ASB5: variants seen among roughly 807,000 people sequenced by gnomAD.
The protein encoded by ASB5 is ankyrin repeat and SOCS box protein 5.
In ASB5, 45 loss-of-function variants were observed where a neutral mutation model predicts 42.1. The ratio of observed to expected loss-of-function variants is 1.07; its 90% CI spans 0.84 to 1.37. The LOEUF is 1.37. Ranked by LOEUF, ASB5 falls within the 40% of genes most tolerant of loss-of-function variation. The pLI, the probability that ASB5 is intolerant of heterozygous loss-of-function variation, is 0.00. For synonymous variants in ASB5, 147 were observed against 150.6 expected, an observed-to-expected ratio of 0.98 and a Z score of 0.18; for missense variants, 402 against 399.8, an observed-to-expected ratio of 1.01 and a Z score of -0.05.
chr4:176,225,404 G>T (rs1753349055), intron 1 of ASB5, 63 bp from the exon 2 acceptor site: 1 of 1,356,172 alleles, frequency 7.4e-7, no homozygotes, highest in Non-Finnish European at 1.1e-6. Flanking sequence ...GTGAATCCCA[G>T]TAGACACAAT....
At chr4:176,245,950 G>A (rs1277889293) in intron 1 of ASB5, among the ~76,000 whole-genome samples, 2 of 152,012 alleles carry the variant, frequency 1.3e-5, no homozygotes, top group Non-Finnish European at 2.9e-5. Context: ...TAATGTAAAT[G>A]ATGAGTTAAC....
chr4:176,245,439 A>G (rs1345480137), intron 1 of ASB5, among the ~76,000 whole-genome samples: 1 of 152,184 alleles, frequency 6.6e-6, no homozygotes, highest in African/African-American at 2.4e-5. Flanking sequence ...ATGCTTTTAC[A>G]CTGTTGGTGG....
At chr4:176,241,910 C>T (rs902440054) in intron 1 of ASB5, among the ~76,000 whole-genome samples, 9 of 152,126 alleles carry the variant, frequency 5.9e-5, no homozygotes, top group African/African-American at 2.2e-4. Context: ...GTCTGTCTAT[C>T]ACCATCTTTG....
intron 1 of ASB5, among the ~76,000 whole-genome samples, chr4:176,258,231 C>T (rs778682560): frequency 2.3e-4 from 35 of 152,114 alleles, no homozygotes; most frequent in Non-Finnish European, 3.8e-4. Context: ...TCTATGAATC[C>T]GCTCAAGTAG....
chr4:176,233,816 C>A (rs1279960215), intron 1 of ASB5, among the ~76,000 whole-genome samples: 1 of 152,164 alleles, frequency 6.6e-6, no homozygotes, highest in Admixed American at 6.6e-5. Flanking sequence ...TGTTCAACTT[C>A]TCCACTTGAA....
intron 1 of ASB5, chr4:176,241,842 C>T (rs1194827235): frequency 5.3e-6 from 1 of 188,014 alleles, no homozygotes; most frequent in East Asian, 1.9e-4. Flanking sequence ...TATCTCCTCT[C>T]CTATAGGAGA....
upstream of ASB5, among the ~76,000 whole-genome samples, chr4:176,270,100 G>A (rs867834654): frequency 6.6e-6 from 1 of 152,104 alleles, no homozygotes; most frequent in Admixed American, 6.6e-5. Flanking sequence ...TTTTAAAAGA[G>A]AAATAGAATA....
intron 1 of ASB5, among the ~76,000 whole-genome samples, chr4:176,233,548 T>C (rs1446135629): frequency 6.6e-6 from 1 of 152,228 alleles, no homozygotes; most frequent in Non-Finnish European, 1.5e-5. Flanking sequence ...GTAATGATAA[T>C]ATGGTCTCAA....
chr4:176,229,206 G>A (rs1253582122), intron 1 of ASB5, among the ~76,000 whole-genome samples: 2 of 152,014 alleles, frequency 1.3e-5, no homozygotes, highest in Non-Finnish European at 2.9e-5. Context: ...ACTATATGAT[G>A]CCGACCCATT....
chr4:176,256,905 C>A (rs986639412), intron 1 of ASB5, among the ~76,000 whole-genome samples: 1 of 151,824 alleles, frequency 6.6e-6, no homozygotes, highest in African/African-American at 2.4e-5. Context: ...CCACTGCACT[C>A]CAAGAAAAAA....
chr4:176,219,248 A>ATT (rs1286573017), intron 5 of ASB5, among the ~76,000 whole-genome samples: 18 of 109,244 alleles, frequency 1.6e-4, no homozygotes, highest in African/African-American at 5.5e-4. Context: ...ATAAATATAT[A>ATT]TGTATGATAT....
Position 176,251,328 on chromosome 4 carries a change from C to G in ASB5, c.196+17585G>C. On this transcript the variant is annotated intron_variant, in intron 1 of 6. Transcript: ENST00000296525. Reference sequence around the variant, plus strand: ...CTGTAATCCCAGCACTTTGGGAGGCCGAGGCGGGCGGATCACGAGGTCAGG... The same window carrying G: ...CTGTAATCCCAGCACTTTGGGAGGCGGAGGCGGGCGGATCACGAGGTCAGG... Among the ~76,000 whole-genome samples, 2 of 18,248 alleles carry G rather than the reference C, an allele frequency of 1.1e-4. 1 individual carries two copies. The highest frequency in any genetic ancestry group is 1.5e-3 in the Admixed American group (2 of 1,356). The allele number at this position is 18,248 out of a possible 152,430, so 12.0% of individuals were successfully genotyped here. A position where few individuals can be genotyped will look rare whatever the true frequency, so the allele number is the denominator to read the frequency against.
At chr4:176,231,593 C>T (rs1285724879) in intron 1 of ASB5, among the ~76,000 whole-genome samples, 1 of 143,384 alleles carries the variant, frequency 7.0e-6, no homozygotes, top group African/African-American at 2.6e-5. Context: ...GAGGCTGAGG[C>T]TGAAGGATCA....
intron 1 of ASB5, among the ~76,000 whole-genome samples, chr4:176,254,687 G>A (rs1167648649): frequency 1.3e-5 from 2 of 152,048 alleles, no homozygotes; most frequent in Non-Finnish European, 2.9e-5. Flanking sequence ...AATCTATAAG[G>A]AACTTAATTC....
At chr4:176,244,437 T>C (rs17679194) in intron 1 of ASB5, among the ~76,000 whole-genome samples, 19,128 of 152,272 alleles carry the variant, frequency 0.13, 1,617 homozygotes, top group Admixed American at 0.19. Context: ...AATAGGCCAA[T>C]TACTACTTCA....
chr4:176,241,284 T>A (rs1270557440), intron 1 of ASB5, among the ~76,000 whole-genome samples: 3 of 152,236 alleles, frequency 2.0e-5, no homozygotes, highest in African/African-American at 7.2e-5. Flanking sequence ...AAGTCCTTTA[T>A]CTCAGGACAA....
chr4:176,240,966 G>A (rs9991242), intron 1 of ASB5, among the ~76,000 whole-genome samples: 126,663 of 152,144 alleles, frequency 0.83, 52,803 homozygotes, highest in Admixed American at 0.84. Context: ...ACATATATGC[G>A]CGTCCATGCA....
upstream of ASB5, among the ~76,000 whole-genome samples, chr4:176,270,724 CT>C (rs1364958290): frequency 2.1e-4 from 32 of 152,114 alleles, 1 homozygote; most frequent in Admixed American, 2.0e-3. Context: ...ATGTTCCTCT[CT>C]TTCACTACTG....
chr4:176,217,568 A>G (rs1342046878), intron 5 of ASB5, among the ~76,000 whole-genome samples: 1 of 152,142 alleles, frequency 6.6e-6, no homozygotes, highest in East Asian at 1.9e-4. Flanking sequence ...GTCAGTAAGT[A>G]TATAAAGATA....
Sources: gnomAD v4.1 joint callset for allele counts (sites outside exome capture counted in the v4.1 genomes callset) on GRCh38, gnomAD v4.1.1 for gene constraint, MANE v1.5 for transcripts, NCBI Gene and HGNC (gene_info 2026-07-23, HGNC 2026-07-21) for gene names.